The following B3GALT1 variants were observed in gnomAD, a reference collection of about 807,000 sequenced individuals.
The protein encoded by B3GALT1 is beta-1,3-galactosyltransferase 1, also known as UDP-Gal:betaGlcNAc beta 1,3-galactosyltransferase, polypeptide 1.
B3GALT1 carries 10 observed loss-of-function variants against 23.2 expected under a neutral mutation model. The ratio of observed to expected loss-of-function variants is 0.43; its 90% CI spans 0.27 to 0.73. B3GALT1 has a LOEUF of 0.73. Among genes scored for constraint, B3GALT1 ranks in the 30% least tolerant of loss-of-function variants. The pLI is 0.21. For synonymous variants in B3GALT1, 156 were observed against 141.5 expected, an observed-to-expected ratio of 1.10 and a Z score of -0.73; for missense variants, 299 against 405.4, an observed-to-expected ratio of 0.74 and a Z score of 2.25.
intron 2 of B3GALT1, among the ~76,000 whole-genome samples, chr2:167,534,340 A>G (rs1683380337): frequency 6.6e-6 from 1 of 151,980 alleles, no homozygotes; most frequent in African/African-American, 2.4e-5. Context: ...TTTGTACAGT[A>G]GGTAATTTCT....
chr2:167,382,451 T>C (rs1465639689), intron 1 of B3GALT1, among the ~76,000 whole-genome samples: 1 of 146,940 alleles, frequency 6.8e-6, no homozygotes, highest in Non-Finnish European at 1.5e-5. Context: ...ATCTCCCTCC[T>C]TCTGTTCCTC....
chr2:167,597,977 T>C (rs553170786), intron 2 of B3GALT1, among the ~76,000 whole-genome samples: 11 of 152,278 alleles, frequency 7.2e-5, no homozygotes, highest in African/African-American at 2.6e-4. Flanking sequence ...CAGAACTGCC[T>C]TCACAAACTA....
chr2:167,658,452 T>C (rs1401767199), intron 3 of B3GALT1, among the ~76,000 whole-genome samples: 1 of 151,682 alleles, frequency 6.6e-6, no homozygotes, highest in Non-Finnish European at 1.5e-5. Context: ...ATAGAACAAC[T>C]TTATAGAACA....
At chr2:167,613,894 A>G (rs1213356015) in intron 2 of B3GALT1, among the ~76,000 whole-genome samples, 1 of 151,868 alleles carries the variant, frequency 6.6e-6, no homozygotes, top group Non-Finnish European at 1.5e-5. Context: ...TTTTTCAGTC[A>G]ACTAAGACTG....
intron 2 of B3GALT1, among the ~76,000 whole-genome samples, chr2:167,515,599 T>C (rs1700089023): frequency 6.6e-6 from 1 of 152,136 alleles, no homozygotes; most frequent in Admixed American, 6.5e-5. Context: ...TTATACTGAG[T>C]ATAAAGCCAC....
At chr2:167,846,376 A>T (rs773426991) in intron 4 of B3GALT1, among the ~76,000 whole-genome samples, 26 of 152,144 alleles carry the variant, frequency 1.7e-4, no homozygotes, top group Non-Finnish European at 3.2e-4. Flanking sequence ...ATAAAGGAAA[A>T]CCTATCAGAA....
intron 4 of B3GALT1, among the ~76,000 whole-genome samples, chr2:167,821,786 T>C (rs1423346828): frequency 6.6e-6 from 1 of 152,170 alleles, no homozygotes; most frequent in African/African-American, 2.4e-5. Flanking sequence ...GCCACTGATA[T>C]TATAACTGCC....
intron 3 of B3GALT1, among the ~76,000 whole-genome samples, chr2:167,657,833 T>C (rs1685981553): frequency 6.6e-6 from 1 of 152,140 alleles, no homozygotes; most frequent in Non-Finnish European, 1.5e-5. Context: ...CATTAAACAT[T>C]ATTTTATTAG....
chr2:167,816,973 A>ATACTT (rs1558989321), intron 3 of B3GALT1, among the ~76,000 whole-genome samples: 2 of 152,220 alleles, frequency 1.3e-5, no homozygotes, highest in African/African-American at 4.8e-5. Flanking sequence ...AAGTGTTGCA[A>ATACTT]TACTTTTGAT....
At position 167,534,315 on chromosome 2, in the gene B3GALT1, T is replaced by A. The variant is rs1044047543; in HGVS notation, c.-410+44038T>A. Among the ~76,000 whole-genome samples the A allele has an allele frequency of 2.0e-5, 3 of 152,174 alleles. No homozygotes were observed. The South Asian group carries it at 6.2e-4, about 32-fold the overall frequency. ...GTAACTCCTCTTTTATATTTTTGTA[T>A]CTTTTTTCTCTTCTTTTGTACAGTA... On this transcript the variant is annotated intron_variant, in intron 2 of 4. Coordinates refer to ENST00000392690, the MANE Select transcript of B3GALT1 (RefSeq NM_020981.4).
chr2:167,385,312 C>G (rs371508657), intron 1 of B3GALT1, among the ~76,000 whole-genome samples: 281 of 152,264 alleles, frequency 1.8e-3, no homozygotes, highest in African/African-American at 6.1e-3. Context: ...CTTCCTGAAC[C>G]AGCTCTTCCC....
At position 167,429,657 on chromosome 2, in the gene B3GALT1, G is replaced by C. The variant is rs542485149; in HGVS notation, c.-510-60520G>C. Among the ~76,000 whole-genome samples the C allele has an allele frequency of 8.5e-5, 13 of 152,262 alleles. No homozygotes were observed. The South Asian group carries it at 1.0e-3, about 12-fold the overall frequency. ...CAGTGTTGTAATTTAAAAAGCAAAG[G>C]CTTTGAGGATGAAGAGACTAGATTT... is the stretch of plus-strand genomic sequence containing the variant. On this transcript the variant is annotated intron_variant, in intron 1 of 4. Coordinates refer to ENST00000392690, the MANE Select transcript of B3GALT1 (RefSeq NM_020981.4).
chr2:167,840,485 C>G (rs2105398225), intron 4 of B3GALT1, among the ~76,000 whole-genome samples: 1 of 151,102 alleles, frequency 6.6e-6, no homozygotes, highest in East Asian at 1.9e-4. Flanking sequence ...GATATCATCT[C>G]ACACCAGTTA....
intron 1 of B3GALT1, among the ~76,000 whole-genome samples, chr2:167,294,786 C>G (rs1696322219): frequency 6.6e-6 from 1 of 152,178 alleles, no homozygotes; most frequent in Non-Finnish European, 1.5e-5. Flanking sequence ...GGATCTTGAA[C>G]TGGGGACAGC....
At chr2:167,822,724 G>A (rs774972586) in intron 4 of B3GALT1, among the ~76,000 whole-genome samples, 1 of 151,990 alleles carries the variant, frequency 6.6e-6, no homozygotes, top group Non-Finnish European at 1.5e-5. Context: ...TCCTATCAAG[G>A]ACTTGCTTAT....
intron 1 of B3GALT1, among the ~76,000 whole-genome samples, chr2:167,426,829 A>G (rs558801587): frequency 3.3e-5 from 5 of 152,210 alleles, no homozygotes; most frequent in Non-Finnish European, 7.3e-5. Context: ...AGTTAAGTTG[A>G]AGATGCACAT....
intron 1 of B3GALT1, among the ~76,000 whole-genome samples, chr2:167,337,095 G>T (rs1295045047): frequency 1.3e-5 from 2 of 152,284 alleles, no homozygotes; most frequent in Admixed American, 6.5e-5. Context: ...AGATCAGAAT[G>T]TTGGACAATA....
Position 167,426,360 on chromosome 2 carries a change from C to T in B3GALT1, c.-510-63817C>T, listed in dbSNP as rs145942926. ...TGCAATCTTGGCTCAATACAACCTC[C>T]GCCTCCTGGGTTCAGGCAGTTCTCC... On this transcript the variant is annotated intron_variant, in intron 1 of 4. Coordinates refer to ENST00000392690, the MANE Select transcript of B3GALT1 (RefSeq NM_020981.4). Among the ~76,000 whole-genome samples, 1,398 of 151,834 alleles carry T rather than the reference C, an allele frequency of 9.2e-3. 10 individuals are homozygous for T. Among genetic ancestry groups the T allele is most frequent in the African/African-American group, 0.019 (779 of 41,328 alleles).
At chr2:167,593,599 G>T (rs574847615) in intron 2 of B3GALT1, among the ~76,000 whole-genome samples, 1 of 152,286 alleles carries the variant, frequency 6.6e-6, no homozygotes, top group African/African-American at 2.4e-5. Flanking sequence ...TGAGTTATGT[G>T]TGCTTATGAA....
Sources: allele counts gnomAD v4.1 joint callset (sites outside exome capture counted in the v4.1 genomes callset), GRCh38; gene constraint gnomAD v4.1.1; transcripts MANE v1.5; gene names NCBI Gene and HGNC (gene_info 2026-07-23, HGNC 2026-07-21).